ASIC2: variants seen among roughly 807,000 people sequenced by gnomAD.
ASIC2 encodes acid sensing ion channel subunit 2.
ASIC2 carries 25 observed loss-of-function variants against 57.3 expected under a neutral mutation model. That is an observed-to-expected ratio of 0.44 (90% CI 0.32 to 0.61). The LOEUF (loss-of-function observed/expected upper bound fraction) is 0.61, where lower values mean the gene tolerates loss of function less well. Ranked by LOEUF, ASIC2 falls within the 20% of genes least tolerant of loss-of-function variation. The pLI, the probability that ASIC2 is intolerant of heterozygous loss-of-function variation, is 0.06. For synonymous variants in ASIC2, 319 were observed against 307.5 expected, an observed-to-expected ratio of 1.04 and a Z score of -0.39; for missense variants, 641 against 738.1, an observed-to-expected ratio of 0.87 and a Z score of 1.52.
chr17:33,869,307 T>C (rs375792566), intron 1 of ASIC2, among the ~76,000 whole-genome samples: 4 of 152,282 alleles, frequency 2.6e-5, no homozygotes, highest in East Asian at 1.9e-4. Context: ...CATACACTGC[T>C]GGTGGGAACG....
chr17:33,635,553 G>A (rs559046301), intron 1 of ASIC2, among the ~76,000 whole-genome samples: 2 of 152,330 alleles, frequency 1.3e-5, no homozygotes, highest in African/African-American at 2.4e-5. Context: ...TTAATCTTCT[G>A]CTCTGCAAGT....
intron 1 of ASIC2, among the ~76,000 whole-genome samples, chr17:33,798,105 A>G (rs148850937): frequency 2.0e-5 from 3 of 152,170 alleles, no homozygotes; most frequent in Non-Finnish European, 4.4e-5. Flanking sequence ...AGGGAAGAAA[A>G]TGAAGTGGGA....
At chr17:33,799,782 G>C (rs1296457713) in intron 1 of ASIC2, among the ~76,000 whole-genome samples, 2 of 152,096 alleles carry the variant, frequency 1.3e-5, no homozygotes, top group Non-Finnish European at 2.9e-5. Context: ...TATAGGTTGT[G>C]TAACGAACAA....
chr17:33,814,062 A>G (rs1355586511), intron 1 of ASIC2, among the ~76,000 whole-genome samples: 1 of 152,028 alleles, frequency 6.6e-6, no homozygotes, highest in Non-Finnish European at 1.5e-5. Flanking sequence ...GGCTGGCAAG[A>G]GTGGGGACTT....
chr17:33,041,930 G>A (rs1243927105), intron 3 of ASIC2, among the ~76,000 whole-genome samples: 2 of 152,180 alleles, frequency 1.3e-5, no homozygotes, highest in Non-Finnish European at 2.9e-5. Context: ...AGGTCCCCCT[G>A]TTTCTAACCT....
At chr17:33,765,826 G>A (rs939710925) in intron 1 of ASIC2, among the ~76,000 whole-genome samples, 3 of 152,204 alleles carry the variant, frequency 2.0e-5, no homozygotes, top group African/African-American at 7.2e-5. Flanking sequence ...AGGCACATTC[G>A]TGAGGTCTTT....
intron 1 of ASIC2, among the ~76,000 whole-genome samples, chr17:33,454,285 G>A (rs1386857141): frequency 6.6e-6 from 1 of 152,194 alleles, no homozygotes; most frequent in Non-Finnish European, 1.5e-5. Context: ...TCTGTGTGGT[G>A]ACCAGTAGTA....
At chr17:33,056,491 T>C (rs1360217897) in intron 3 of ASIC2, among the ~76,000 whole-genome samples, 3 of 152,104 alleles carry the variant, frequency 2.0e-5, no homozygotes, top group Non-Finnish European at 4.4e-5. Context: ...CTTTAGGGAA[T>C]AGACACAGGT....
chr17:33,014,860 G>A (rs2091797310), intron 9 of ASIC2, among the ~76,000 whole-genome samples: 1 of 152,202 alleles, frequency 6.6e-6, no homozygotes, highest in South Asian at 2.1e-4. Context: ...TAGGTGCTGT[G>A]CTGACTGCTT....
chr17:33,790,862 T>C (rs1471976786), intron 1 of ASIC2, among the ~76,000 whole-genome samples: 2 of 152,192 alleles, frequency 1.3e-5, no homozygotes, highest in Non-Finnish European at 1.5e-5. Context: ...ACATGATGCT[T>C]AACACTTTTC....
intron 1 of ASIC2, among the ~76,000 whole-genome samples, chr17:33,271,320 C>T (rs111746699): frequency 6.6e-6 from 1 of 152,324 alleles, no homozygotes; most frequent in African/African-American, 2.4e-5. Context: ...CCCAGTCCCA[C>T]TGACTAAATG....
chr17:33,482,775 C>A (rs974923936), intron 1 of ASIC2, among the ~76,000 whole-genome samples: 1 of 152,234 alleles, frequency 6.6e-6, no homozygotes, highest in Non-Finnish European at 1.5e-5. Context: ...CAATGCCAAC[C>A]TTCCCAGGCA....
At chr17:33,778,952 T>C (rs1255670713) in intron 1 of ASIC2, among the ~76,000 whole-genome samples, 7 of 152,154 alleles carry the variant, frequency 4.6e-5, no homozygotes, top group Non-Finnish European at 8.8e-5. Flanking sequence ...ATTTTGCTCA[T>C]CCCCCTCCTG....
intron 1 of ASIC2, among the ~76,000 whole-genome samples, chr17:33,663,668 T>G (rs544650186): frequency 6.6e-4 from 100 of 152,250 alleles, no homozygotes; most frequent in African/African-American, 2.3e-3. Context: ...GGGAACTAAT[T>G]TATAATTTAA....
intron 1 of ASIC2, among the ~76,000 whole-genome samples, chr17:33,357,192 C>T (rs530548246): frequency 6.6e-6 from 1 of 152,076 alleles, no homozygotes; most frequent in Non-Finnish European, 1.5e-5. Context: ...CCAGCTTCCT[C>T]AGGAAGTCCC....
At chr17:34,000,572 A>G (rs1386741986) in intron 1 of ASIC2, among the ~76,000 whole-genome samples, 1 of 151,966 alleles carries the variant, frequency 6.6e-6, no homozygotes, top group African/African-American at 2.4e-5. Flanking sequence ...TTTATATTTA[A>G]TCTATCTGGA....
At chr17:33,193,653 T>C (rs925686435) in intron 1 of ASIC2, among the ~76,000 whole-genome samples, 2 of 152,168 alleles carry the variant, frequency 1.3e-5, no homozygotes, top group African/African-American at 4.8e-5. Flanking sequence ...TTGCCACTTA[T>C]TGGGACAACT....
intron 1 of ASIC2, among the ~76,000 whole-genome samples, chr17:33,703,096 T>G (rs1005601794): frequency 6.6e-6 from 1 of 152,076 alleles, no homozygotes; most frequent in Non-Finnish European, 1.5e-5. Flanking sequence ...GAAAAAAATC[T>G]GGAGAAAAAT....
At chr17:33,159,475 C>T (rs527463997) in intron 1 of ASIC2, among the ~76,000 whole-genome samples, 14 of 152,226 alleles carry the variant, frequency 9.2e-5, no homozygotes, top group Admixed American at 2.6e-4. Context: ...CTCTCCCTCC[C>T]GTTTTATTGA....
Sources: allele counts gnomAD v4.1 joint callset (sites outside exome capture counted in the v4.1 genomes callset), GRCh38; gene constraint gnomAD v4.1.1; transcripts MANE v1.5; gene names NCBI Gene and HGNC (gene_info 2026-07-23, HGNC 2026-07-21).